The following ABI2 variants were observed in gnomAD, a reference collection of about 807,000 sequenced individuals.
The protein encoded by ABI2 is abelson interactor 2.
In ABI2, 25 loss-of-function variants were observed where a neutral mutation model predicts 59.2. The observed-to-expected ratio is 0.42, with a 90% CI of 0.31 to 0.59. The LOEUF (loss-of-function observed/expected upper bound fraction) is 0.59. Among genes scored for constraint, ABI2 ranks in the 20% least tolerant of loss-of-function variants. ABI2 has a pLI of 0.14. For missense variants in ABI2, 545 were observed against 681.8 expected, an observed-to-expected ratio of 0.80 and a Z score of 2.23; for synonymous variants, 213 against 235.5, an observed-to-expected ratio of 0.90 and a Z score of 0.87.
chr2:203,333,091 A>G (rs1225009194), intron 1 of ABI2, among the ~76,000 whole-genome samples: 1 of 152,184 alleles, frequency 6.6e-6, no homozygotes, highest in Non-Finnish European at 1.5e-5. Flanking sequence ...AGAGGTTTAC[A>G]AGGGAATATT....
At chr2:203,342,933 A>G (rs774826200) in intron 1 of ABI2, among the ~76,000 whole-genome samples, 5 of 152,180 alleles carry the variant, frequency 3.3e-5, no homozygotes, top group Non-Finnish European at 5.9e-5. Flanking sequence ...TCATTCATGC[A>G]TTTGTTTATA....
At chr2:203,342,202 G>T (rs1027451904) in intron 1 of ABI2, 1 of 455,438 alleles carries the variant, frequency 2.2e-6, no homozygotes, top group Admixed American at 2.4e-5. Flanking sequence ...AATAGTTATT[G>T]AGCATCTTTC....
chr2:203,348,441 T>C (rs2085152740), intron 1 of ABI2, among the ~76,000 whole-genome samples: 1 of 152,192 alleles, frequency 6.6e-6, no homozygotes, highest in Non-Finnish European at 1.5e-5. Flanking sequence ...ATAATTTATA[T>C]ACAAGCCTTG....
At chr2:203,397,014 A>G (rs920433126) in intron 8 of ABI2, 47 bp downstream of exon 8, 34 of 1,333,984 alleles carry the variant, frequency 2.5e-5, no homozygotes, top group African/African-American at 1.4e-4. Context: ...TCATCTGGCT[A>G]TTCTCTTACT....
At chr2:203,411,240 A>T (rs374957389) in intron 9 of ABI2, 45 bp from the exon 10 acceptor site, 1 of 1,388,152 alleles carries the variant, frequency 7.2e-7, no homozygotes, top group African/African-American at 1.4e-5. Context: ...TTTTAATGTA[A>T]CTCGCCCTTA....
At chr2:203,339,434 G>T (rs1239721234) in intron 1 of ABI2, among the ~76,000 whole-genome samples, 1 of 151,778 alleles carries the variant, frequency 6.6e-6, no homozygotes, top group Non-Finnish European at 1.5e-5. Flanking sequence ...AAAAAAATTA[G>T]CTGGGTGTGG....
chr2:203,387,878 A>G (rs1363620349), intron 4 of ABI2, among the ~76,000 whole-genome samples: 1 of 152,124 alleles, frequency 6.6e-6, no homozygotes, highest in Non-Finnish European at 1.5e-5. Flanking sequence ...GTTCCTCTCC[A>G]TCAGCACATA....
chr2:203,368,188 T>G (rs1273595175), intron 2 of ABI2, among the ~76,000 whole-genome samples: 1 of 152,160 alleles, frequency 6.6e-6, no homozygotes, highest in Admixed American at 6.5e-5. Flanking sequence ...CCTTTCATAA[T>G]CATTCCCATA....
At position 203,395,448 on chromosome 2, in the gene ABI2, TACACACACACAC is replaced by T. The variant is rs59156204; in HGVS notation, c.726-182_726-171del. Among the ~76,000 whole-genome samples, 59 of 115,316 alleles carry T rather than the reference TACACACACACAC, an allele frequency of 5.1e-4. 1 individual carries two copies. Among genetic ancestry groups the T allele is most frequent in the Middle Eastern group, 5.2e-3 (1 of 194 alleles). 75.7% of individuals were successfully genotyped at this position (115,316 alleles called of 152,430 possible). A position where few individuals can be genotyped will look rare whatever the true frequency, so the allele number is the denominator to read the frequency against. ...TAATAAGTAAATATATATATATATA[TACACACACACAC>T]ACACACACACACACACACACACACA... On this transcript the variant is annotated intron_variant, in intron 6 of 11. Coordinates refer to ENST00000261018, the MANE Select transcript of ABI2 (RefSeq NM_001375670.1).
At position 203,427,598 on chromosome 2, in the gene ABI2, A is replaced by G. The variant is rs1004311153; in HGVS notation, c.*246A>G. The G allele has an allele frequency of 6.3e-5, 24 of 380,200 alleles. No individual in the cohort carries two copies. The highest frequency in any genetic ancestry group is 4.8e-4 in the African/African-American group (24 of 50,320). The allele number at this position is 380,200 out of a possible 1,614,324, so 23.6% of individuals were successfully genotyped here. On this transcript the variant is annotated 3_prime_UTR_variant, in exon 12 of 12. Coordinates refer to ENST00000261018, the MANE Select transcript of ABI2 (RefSeq NM_001375670.1). ...TGAAATAAAATGACCATTTTTATGTATGTCAAAGGTATAACAGCATAACTG... is the reference window on the plus strand; with the variant it reads ...TGAAATAAAATGACCATTTTTATGTGTGTCAAAGGTATAACAGCATAACTG...
intron 1 of ABI2, chr2:203,328,834 C>T: frequency 2.7e-6 from 1 of 377,224 alleles, no homozygotes; most frequent in East Asian, 4.1e-5. Context: ...TTTAAAAAAG[C>T]GGTGAAGCAG....
At chr2:203,349,711 ATT>A (rs936016096) in intron 1 of ABI2, among the ~76,000 whole-genome samples, 11 of 140,564 alleles carry the variant, frequency 7.8e-5, no homozygotes, top group South Asian at 2.3e-4. Context: ...GGCTGTGTTC[ATT>A]TTTTTTTTTT....
intron 1 of ABI2, among the ~76,000 whole-genome samples, chr2:203,330,171 C>G (rs986826484): frequency 6.7e-6 from 1 of 148,574 alleles, no homozygotes; most frequent in African/African-American, 2.5e-5. Context: ...ATTAGACATA[C>G]TGTTATCTTG....
intron 1 of ABI2, among the ~76,000 whole-genome samples, chr2:203,351,007 C>T (rs2087915371): frequency 6.6e-6 from 1 of 152,050 alleles, no homozygotes; most frequent in African/African-American, 2.4e-5. Context: ...GATCTTTGAT[C>T]CATTTTGAGT....
chr2:203,337,591 A>G (rs957252093), intron 1 of ABI2, among the ~76,000 whole-genome samples: 9 of 152,252 alleles, frequency 5.9e-5, no homozygotes, highest in South Asian at 2.1e-4. Flanking sequence ...ATTTAATGCA[A>G]TCTCTATCAA....
intron 1 of ABI2, among the ~76,000 whole-genome samples, chr2:203,361,339 C>T (rs1324803671): frequency 1.3e-5 from 2 of 152,198 alleles, no homozygotes; most frequent in East Asian, 3.9e-4. Context: ...GGATGCTGAA[C>T]AAGAAAATGT....
chr2:203,359,836 G>A (rs1412008802), intron 1 of ABI2, among the ~76,000 whole-genome samples: 1 of 69,984 alleles, frequency 1.4e-5, no homozygotes, highest in Non-Finnish European at 3.9e-5. Flanking sequence ...GTTCCAACAT[G>A]TACATTTTTG....
intron 11 of ABI2, among the ~76,000 whole-genome samples, chr2:203,425,602 T>G (rs139683641): frequency 4.5e-4 from 69 of 152,374 alleles, no homozygotes; most frequent in African/African-American, 1.5e-3. Flanking sequence ...AAATTGTATT[T>G]TCTGGGTTTT....
At chr2:203,349,099 AT>A (rs200842272) in intron 1 of ABI2, among the ~76,000 whole-genome samples, 265 of 145,098 alleles carry the variant, frequency 1.8e-3, no homozygotes, top group African/African-American at 5.6e-3. Context: ...CACCCGAGTA[AT>A]TTTTTTTTTT....
Sources: allele counts gnomAD v4.1 joint callset (sites outside exome capture counted in the v4.1 genomes callset), GRCh38; gene constraint gnomAD v4.1.1; transcripts MANE v1.5; gene names NCBI Gene and HGNC (gene_info 2026-07-23, HGNC 2026-07-21).